Variants in UBE2L5 observed in about 807,000 individuals in gnomAD.
UBE2L5 encodes the protein ubiquitin conjugating enzyme E2 L5.
A neutral mutation model predicts 10.0 loss-of-function variants in UBE2L5; 3 were observed. That is an observed-to-expected ratio of 0.30 (90% CI 0.14 to 0.78). UBE2L5 has a LOEUF of 0.78. Among genes scored for constraint, UBE2L5 ranks in the 30% least tolerant of loss-of-function variants. UBE2L5 has a pLI of 0.65. For missense variants in UBE2L5, 131 were observed against 193.3 expected, an observed-to-expected ratio of 0.68 and a Z score of 1.91; for synonymous variants, 60 against 71.9, an observed-to-expected ratio of 0.83 and a Z score of 0.83.
intron 2 of UBE2L5, among the ~76,000 whole-genome samples, chr13:30,425,978 C>T (rs1885532991): frequency 6.8e-6 from 1 of 146,856 alleles, no homozygotes; most frequent in Admixed American, 6.8e-5. Context: ...TGGGCCATTG[C>T]ACTCCAGCCT....
At chr13:30,425,459 A>C (rs1167925418) in intron 2 of UBE2L5, among the ~76,000 whole-genome samples, 1 of 152,224 alleles carries the variant, frequency 6.6e-6, no homozygotes, top group Non-Finnish European at 1.5e-5. Flanking sequence ...TACAAAGCCC[A>C]GGGCCTGGCA....
At position 30,428,283 on chromosome 13, in the gene UBE2L5, C is replaced by A; in HGVS notation, c.293C>A (p.Ala98Glu). Reference protein sequence around the residue: ...PVISAENWKPATKTDQVIQSL... With the variant: ...PVISAENWKPETKTDQVIQSL... ...ATTAGTGCTGAAAACTGGAAGCCAG[C>A]AACCAAAACCGACCAAGTAATCCAG... Residue 98 changes from alanine to glutamate, a missense_variant, in exon 4 of 4, where the codon GCA becomes GAA. By Grantham distance (107) the Ala-to-Glu change is moderately radical. Coordinates refer to ENST00000635918, the MANE Select transcript of UBE2L5 (RefSeq NM_001355247.2). The A allele has an allele frequency of 6.2e-7, 1 of 1,607,424 alleles. No homozygotes were observed. Among genetic ancestry groups the A allele is most frequent in the South Asian group, 1.1e-5 (1 of 90,462 alleles).
rs1201718849 is a variant in UBE2L5 at position 30,427,679 on chromosome 13, C to T, written c.-312C>T. ...GTTAGCTGTGCATGGTGGCACGTGC[C>T]TGTAATCACAGCCACTTGGGAGGCC... is the stretch of plus-strand genomic sequence containing the variant. On this transcript the variant is annotated 5_prime_UTR_variant, in exon 4 of 4. Coordinates refer to ENST00000635918, the MANE Select transcript of UBE2L5 (RefSeq NM_001355247.2). The T allele has an allele frequency of 2.7e-6, 1 of 374,256 alleles. No individual in the cohort carries two copies. The highest frequency in any genetic ancestry group is 4.8e-6 in the Non-Finnish European group (1 of 209,968). 23.2% of individuals were successfully genotyped at this position (374,256 alleles called of 1,614,324 possible).
rs1885593929 is a variant in UBE2L5 at position 30,429,478 on chromosome 13, G to C, written c.*1023G>C. Among the ~76,000 whole-genome samples the C allele has an allele frequency of 6.6e-6, 1 of 152,114 alleles. No individual in the cohort carries two copies. Among genetic ancestry groups the C allele is most frequent in the Non-Finnish European group, 1.5e-5 (1 of 68,026 alleles). The stretch of plus-strand genomic sequence containing the variant: ...CCTCTCATTTTGGCTGGGCTGCTCT[G>C]AGGTGCTGCATCTTTTATAGTGTCT... On this transcript the variant is annotated 3_prime_UTR_variant, in exon 4 of 4. Transcript: ENST00000635918.
Position 30,428,987 on chromosome 13 carries a change from C to G in UBE2L5, c.*532C>G, listed in dbSNP as rs1032445269. ...ACTGACATTTAGATTGAAATACCTG[C>G]GAGCCGGGTTTGGTGGCTCACACCT... On this transcript the variant is annotated 3_prime_UTR_variant, in exon 4 of 4. Transcript: ENST00000635918. 1.3e-5 allele frequency among the ~76,000 whole-genome samples: 2 copies of G among 151,340 alleles called. No individual in the cohort carries two copies. The highest frequency in any genetic ancestry group is 4.9e-5 in the African/African-American group (2 of 41,196).
chr13:30,426,723 A>G lies in UBE2L5; in HGVS notation c.-684-2A>G, dbSNP rs979096031. ...GATTCAAAATGTCTGTGTTTCTTCC[A>G]GGCTTTGATCAAAATCAACCATTCC... On this transcript the variant is annotated splice_acceptor_variant, in intron 2 of 3. Transcript: ENST00000635918. LOFTEE classifies it low-confidence loss of function (5UTR_SPLICE). The G allele has an allele frequency of 2.0e-5, 3 of 152,216 alleles. No homozygotes were observed. Among genetic ancestry groups the G allele is most frequent in the African/African-American group, 7.2e-5 (3 of 41,454 alleles). 9.4% of individuals were successfully genotyped at this position (152,216 alleles called of 1,614,324 possible). A position where few individuals can be genotyped will look rare whatever the true frequency, so the allele number is the denominator to read the frequency against.
intron 2 of UBE2L5, among the ~76,000 whole-genome samples, chr13:30,425,994 A>G (rs920609818): frequency 1.3e-5 from 2 of 150,630 alleles, no homozygotes; most frequent in Non-Finnish European, 2.9e-5. Flanking sequence ...AGCCTGGGTG[A>G]TAAGAATGAA....
At chr13:30,424,406 G>T (rs1360920828) in intron 1 of UBE2L5, among the ~76,000 whole-genome samples, 3 of 152,158 alleles carry the variant, frequency 2.0e-5, no homozygotes, top group African/African-American at 7.2e-5. Flanking sequence ...CCTTTAGGCA[G>T]ATTCAACCAA....
In UBE2L5 at chr13:30,429,541, C is replaced by A. The variant is rs972122602; in HGVS notation, c.*1086C>A. On this transcript the variant is annotated 3_prime_UTR_variant, in exon 4 of 4. Transcript: ENST00000635918. The stretch of plus-strand genomic sequence containing the variant: ...TTAATGACATTTTCATATTCTCCAT[C>A]CCCCATCCCCCACCGCCTCTCCAGT... Among the ~76,000 whole-genome samples the A allele has an allele frequency of 6.6e-6, 1 of 151,042 alleles. No individual in the cohort carries two copies. Among genetic ancestry groups the A allele is most frequent in the Non-Finnish European group, 1.5e-5 (1 of 68,020 alleles).
chr13:30,422,973 A>G (rs535033491), intron 1 of UBE2L5, among the ~76,000 whole-genome samples: 2 of 152,358 alleles, frequency 1.3e-5, no homozygotes, highest in African/African-American at 4.8e-5. Flanking sequence ...AAAAACCACA[A>G]CAAAACCTAA....
In UBE2L5 at chr13:30,426,719, T is replaced by C. The variant is rs925048903; in HGVS notation, c.-684-6T>C. 2 of 152,236 alleles carry C rather than the reference T, an allele frequency of 1.3e-5. No individual in the cohort carries two copies. The highest frequency in any genetic ancestry group is 6.5e-5 in the Admixed American group (1 of 15,286). The allele number at this position is 152,236 out of a possible 1,614,324, so 9.4% of individuals were successfully genotyped here. On this transcript the variant is annotated splice_polypyrimidine_tract_variant and splice_region_variant and intron_variant, in intron 2 of 3. Transcript: ENST00000635918. Reference sequence around the variant, plus strand: ...TTTTGATTCAAAATGTCTGTGTTTCTTCCAGGCTTTGATCAAAATCAACCA... The same window carrying C: ...TTTTGATTCAAAATGTCTGTGTTTCCTCCAGGCTTTGATCAAAATCAACCA...
At position 30,425,626 on chromosome 13, in the gene UBE2L5, C is replaced by T. The variant is rs1047542227; in HGVS notation, c.-685+725C>T. 3.7e-4 allele frequency among the ~76,000 whole-genome samples: 57 copies of T among 152,266 alleles called. 1 individual carries two copies. Among genetic ancestry groups the T allele is most frequent in the Non-Finnish European group, 1.5e-4 (10 of 68,040 alleles). On this transcript the variant is annotated intron_variant, in intron 2 of 3. Transcript: ENST00000635918. The stretch of plus-strand genomic sequence containing the variant: ...TAGTTACTTTTGCATTACATGCAGA[C>T]ACTTACCATAGTACCGTTTAGGTGT...
At chr13:30,423,668 C>T (rs1021880886) in intron 1 of UBE2L5, among the ~76,000 whole-genome samples, 3 of 152,168 alleles carry the variant, frequency 2.0e-5, no homozygotes, top group African/African-American at 7.2e-5. Flanking sequence ...AAAGATCACT[C>T]AAAAACCAGA....
In UBE2L5 at chr13:30,429,373, GAGGTGGCTTGGACTC is replaced by G. The variant is rs1885591660; in HGVS notation, c.*926_*940del. On this transcript the variant is annotated 3_prime_UTR_variant, in exon 4 of 4. Transcript: ENST00000635918. ...GGCTGAAATGGAGACAACAGAAGGT[GAGGTGGCTTGGACTC>G]AGGTGGCATTGGTAAAGGAAATGAA... Among the ~76,000 whole-genome samples, 1 of 152,140 alleles carries G rather than the reference GAGGTGGCTTGGACTC, an allele frequency of 6.6e-6. No individual in the cohort carries two copies. The highest frequency in any genetic ancestry group is 1.5e-5 in the Non-Finnish European group (1 of 68,032).
rs540771287 is a variant in UBE2L5 at position 30,425,700 on chromosome 13, G to A, written c.-685+799G>A. Reference sequence around the variant, plus strand: ...ATTTCCTTGGACAAATCTGTCTTCCGAAACTTCAGCTTATGTTTATTCACT... The same window carrying A: ...ATTTCCTTGGACAAATCTGTCTTCCAAAACTTCAGCTTATGTTTATTCACT... On this transcript the variant is annotated intron_variant, in intron 2 of 3. Coordinates refer to ENST00000635918, the MANE Select transcript of UBE2L5 (RefSeq NM_001355247.2). Among the ~76,000 whole-genome samples, 5 of 152,280 alleles carry A rather than the reference G, an allele frequency of 3.3e-5. No individual in the cohort carries two copies. The East Asian group carries it at 5.8e-4, about 18-fold the overall frequency.
chr13:30,428,546 T>A lies in UBE2L5; in HGVS notation c.*91T>A. 3 of 1,444,262 alleles carry A rather than the reference T, an allele frequency of 2.1e-6. No homozygotes were observed. The highest frequency in any genetic ancestry group is 2.8e-6 in the Non-Finnish European group (3 of 1,064,484). 89.5% of individuals were successfully genotyped at this position (1,444,262 alleles called of 1,614,324 possible). On this transcript the variant is annotated 3_prime_UTR_variant, in exon 4 of 4. Coordinates refer to ENST00000635918, the MANE Select transcript of UBE2L5 (RefSeq NM_001355247.2). ...CAAAGCAGGACTCTGTGGAAATTGA[T>A]ACGTGCCACCGTCTGGCGTTCGCTT... is the stretch of plus-strand genomic sequence containing the variant.
chr13:30,427,662 T>C lies in UBE2L5; in HGVS notation c.-329T>C. The C allele has an allele frequency of 3.1e-6, 1 of 327,042 alleles. No individual in the cohort carries two copies. 20.3% of individuals were successfully genotyped at this position (327,042 alleles called of 1,614,324 possible). On this transcript the variant is annotated 5_prime_UTR_variant, in exon 4 of 4. Transcript: ENST00000635918. ...TAAAAATACAAAAAAAAGTTAGCTG[T>C]GCATGGTGGCACGTGCCTGTAATCA...
In UBE2L5 at chr13:30,428,528, G is replaced by C. The variant is rs1167010725; in HGVS notation, c.*73G>C. 2 of 1,528,918 alleles carry C rather than the reference G, an allele frequency of 1.3e-6. No homozygotes were observed. The highest frequency in any genetic ancestry group is 1.8e-6 in the Non-Finnish European group (2 of 1,136,722). 94.7% of individuals were successfully genotyped at this position (1,528,918 alleles called of 1,614,324 possible). On this transcript the variant is annotated 3_prime_UTR_variant, in exon 4 of 4. Transcript: ENST00000635918. Reference sequence around the variant, plus strand: ...GTACATTCAGACACCCCGCAAAGCAGGACTCTGTGGAAATTGATACGTGCC... The same window carrying C: ...GTACATTCAGACACCCCGCAAAGCACGACTCTGTGGAAATTGATACGTGCC...
At position 30,429,288 on chromosome 13, in the gene UBE2L5, C is replaced by T. The variant is rs11617940; in HGVS notation, c.*833C>T. Among the ~76,000 whole-genome samples the T allele has an allele frequency of 6.6e-6, 1 of 151,272 alleles. No homozygotes were observed. Among genetic ancestry groups the T allele is most frequent in the Non-Finnish European group, 1.5e-5 (1 of 67,894 alleles). ...CAACAAGAGCAAAACTCTGTCCCCCCCCCACAAAAAAAAATTGATTGAAAT... is the reference window on the plus strand; with the variant it reads ...CAACAAGAGCAAAACTCTGTCCCCCTCCCACAAAAAAAAATTGATTGAAAT... On this transcript the variant is annotated 3_prime_UTR_variant, in exon 4 of 4. Transcript: ENST00000635918.
Sources: allele counts gnomAD v4.1 joint callset (sites outside exome capture counted in the v4.1 genomes callset), GRCh38; gene constraint gnomAD v4.1.1; transcripts MANE v1.5; gene names NCBI Gene and HGNC (gene_info 2026-07-23, HGNC 2026-07-21).